The following PPM1H variants were observed in gnomAD, a reference collection of about 807,000 sequenced individuals.
PPM1H encodes the protein protein phosphatase 1H.
A neutral mutation model predicts 54.9 loss-of-function variants in PPM1H; 27 were observed. That is an observed-to-expected ratio of 0.49 (90% confidence interval 0.36 to 0.68). PPM1H has a LOEUF of 0.68. PPM1H is among the 30% of genes least tolerant of loss of function. The pLI is 0.00. For synonymous variants in PPM1H, 305 were observed against 270.8 expected (o/e 1.13, Z -1.24); for missense variants, 596 against 667.8 (o/e 0.89, Z 1.19).
chr12:62,932,244 G>A lies in PPM1H; in HGVS notation c.245+2248C>T, dbSNP rs79131142. Among the ~76,000 whole-genome samples, 5 of 152,164 alleles carry A rather than the reference G, an allele frequency of 3.3e-5. No individual in the cohort carries two copies. The East Asian group carries it at 9.6e-4, about 29-fold the overall frequency. On this transcript the variant is annotated intron_variant, in intron 1 of 9. Transcript: ENST00000228705. ...AGGAAAAAAAAATTAACTTTTTAGG[G>A]ATGCGGAAATGGAGGCCCAGAGAGG... is the stretch of plus-strand genomic sequence containing the variant.
chr12:62,715,508 A>C (rs2076230070), intron 6 of PPM1H, among the ~76,000 whole-genome samples: 2 of 152,244 alleles, frequency 1.3e-5, no homozygotes, highest in African/African-American at 4.8e-5. Flanking sequence ...CCTGGTGACA[A>C]TAACCTTTTG....
intron 6 of PPM1H, among the ~76,000 whole-genome samples, chr12:62,703,213 C>A (rs1460391557): frequency 6.6e-6 from 1 of 152,120 alleles, no homozygotes; most frequent in Non-Finnish European, 1.5e-5. Flanking sequence ...CTAATTCATA[C>A]TTTTTCTACT....
chr12:62,783,650 A>G (rs1281499103), intron 4 of PPM1H, among the ~76,000 whole-genome samples: 2 of 152,242 alleles, frequency 1.3e-5, no homozygotes, highest in Non-Finnish European at 2.9e-5. Flanking sequence ...ACTTCTCACT[A>G]TATTATTGAG....
At chr12:62,678,422 T>C (rs1334776834) in intron 8 of PPM1H, among the ~76,000 whole-genome samples, 2 of 152,280 alleles carry the variant, frequency 1.3e-5, no homozygotes, top group African/African-American at 4.8e-5. Context: ...GGTTGGTTTC[T>C]GTTGTGTGAC....
intron 5 of PPM1H, among the ~76,000 whole-genome samples, chr12:62,729,530 G>A (rs986732234): frequency 3.3e-5 from 5 of 152,230 alleles, no homozygotes; most frequent in Non-Finnish European, 2.9e-5. Context: ...ACGCATACAA[G>A]CTGATGAAGT....
At chr12:62,846,171 T>G (rs1868959911) in intron 1 of PPM1H, among the ~76,000 whole-genome samples, 1 of 152,112 alleles carries the variant, frequency 6.6e-6, no homozygotes, top group African/African-American at 2.4e-5. Flanking sequence ...TGCTCAAATA[T>G]CTCCAAATGG....
At chr12:62,703,219 C>G (rs2076153909) in intron 6 of PPM1H, among the ~76,000 whole-genome samples, 1 of 152,126 alleles carries the variant, frequency 6.6e-6, no homozygotes, top group African/African-American at 2.4e-5. Flanking sequence ...CATACTTTTT[C>G]TACTGTAAGC....
chr12:62,892,340 A>T (rs1211367361), intron 1 of PPM1H, among the ~76,000 whole-genome samples: 1 of 152,036 alleles, frequency 6.6e-6, no homozygotes, highest in Admixed American at 6.5e-5. Context: ...ATCTCTTTGA[A>T]GAGATCTACC....
chr12:62,731,641 T>C (rs1038406466), intron 5 of PPM1H, among the ~76,000 whole-genome samples: 1 of 152,200 alleles, frequency 6.6e-6, no homozygotes, highest in Non-Finnish European at 1.5e-5. Flanking sequence ...CTTGTGTTCA[T>C]CAAATATGTA....
Position 62,844,103 on chromosome 12 carries a change from A to G in PPM1H, c.246-11824T>C, listed in dbSNP as rs1362603096. Among the ~76,000 whole-genome samples the G allele has an allele frequency of 1.3e-5, 2 of 152,246 alleles. No homozygotes were observed. The highest frequency in any genetic ancestry group is 2.9e-5 in the Non-Finnish European group (2 of 68,034). Reference sequence around the variant, plus strand: ...CAACCTTAAATAACGAGATTCAGAAATTATGATTAAGCATCGAGTTTATTC... The same window carrying G: ...CAACCTTAAATAACGAGATTCAGAAGTTATGATTAAGCATCGAGTTTATTC... On this transcript the variant is annotated intron_variant, in intron 1 of 9. Coordinates refer to ENST00000228705, the MANE Select transcript of PPM1H (RefSeq NM_020700.2). The surrounding 1 kb of genome is among the most constrained non-coding windows in gnomAD (Gnocchi z 5.2).
chr12:62,710,545 A>AG (rs1452861830), intron 6 of PPM1H, among the ~76,000 whole-genome samples: 1 of 151,398 alleles, frequency 6.6e-6, no homozygotes, highest in Admixed American at 6.6e-5. Context: ...TTTAAAAAAA[A>AG]AAAAAAAAAA....
At chr12:62,711,692 G>C (rs986077905) in intron 6 of PPM1H, among the ~76,000 whole-genome samples, 1 of 152,164 alleles carries the variant, frequency 6.6e-6, no homozygotes, top group Admixed American at 6.5e-5. Flanking sequence ...GGGTCTGAGG[G>C]GGGAAGAAAG....
intron 1 of PPM1H, among the ~76,000 whole-genome samples, chr12:62,911,867 C>A (rs1359368532): frequency 6.6e-6 from 1 of 152,162 alleles, no homozygotes; most frequent in African/African-American, 2.4e-5. Context: ...CTCATCCTGT[C>A]CCTCACACAT....
Position 62,651,551 on chromosome 12 carries a change from C to T in PPM1H, c.1398-2915G>A, listed in dbSNP as rs571491715. Among the ~76,000 whole-genome samples the T allele has an allele frequency of 3.9e-5, 6 of 152,290 alleles. No individual in the cohort carries two copies. In the East Asian group the frequency reaches 1.2e-3, roughly 29 times the overall value. On this transcript the variant is annotated intron_variant, in intron 9 of 9. Transcript: ENST00000228705. ...AGGTCACCTAGAAAAGATGGCTACC[C>T]AGGAAACTCATTTCCCTGAGGGCTG...
chr12:62,796,791 T>C (rs1298253069), intron 3 of PPM1H, among the ~76,000 whole-genome samples: 1 of 152,212 alleles, frequency 6.6e-6, no homozygotes, highest in Non-Finnish European at 1.5e-5. Flanking sequence ...ACACAAATTA[T>C]TGGGGCAAAT....
intron 1 of PPM1H, among the ~76,000 whole-genome samples, chr12:62,884,320 T>A (rs1870501767): frequency 7.0e-6 from 1 of 143,836 alleles, no homozygotes; most frequent in Non-Finnish European, 1.5e-5. Context: ...AATCCTGTCT[T>A]GACAAAAGCA....
At chr12:62,792,096 G>A (rs2076704417) in intron 3 of PPM1H, among the ~76,000 whole-genome samples, 1 of 152,188 alleles carries the variant, frequency 6.6e-6, no homozygotes. Context: ...ATTCCTTTGG[G>A]ACTCAGTTAA....
At chr12:62,773,505 A>G (rs1041497290) in intron 4 of PPM1H, among the ~76,000 whole-genome samples, 6 of 152,058 alleles carry the variant, frequency 3.9e-5, no homozygotes, top group African/African-American at 1.4e-4. Context: ...AATTTTTTTG[A>G]AAAATAAAGG....
chr12:62,893,274 T>C (rs116873693), intron 1 of PPM1H, among the ~76,000 whole-genome samples: 3 of 152,232 alleles, frequency 2.0e-5, no homozygotes, highest in East Asian at 3.9e-4. Context: ...CAACATAAAT[T>C]TGTACCTTCA....
Sources: gnomAD v4.1 joint callset for allele counts (sites outside exome capture counted in the v4.1 genomes callset) on GRCh38, gnomAD v4.1.1 for gene constraint, Gnocchi (gnomAD v3.1) non-coding constraint, MANE v1.5 for transcripts, NCBI Gene and HGNC (gene_info 2026-07-23, HGNC 2026-07-21) for gene names.